Variants in ART1 observed in about 807,000 individuals in gnomAD.
ART1 encodes ADP-ribosyltransferase 1, also known as GPI-linked NAD(P)(+)--arginine ADP-ribosyltransferase 1.
ART1 carries 29 observed loss-of-function variants against 27.0 expected under a neutral mutation model. The observed-to-expected ratio is 1.08, with a 90% CI of 0.80 to 1.47. ART1 has a LOEUF of 1.47. Ranked by LOEUF, ART1 falls within the 40% of genes most tolerant of loss-of-function variation. The pLI is 0.00. For synonymous variants in ART1, 201 were observed against 172.2 expected, an observed-to-expected ratio of 1.17 and a Z score of -1.31; for missense variants, 480 against 423.0, an observed-to-expected ratio of 1.13 and a Z score of -1.18.
At chr11:3,656,574 G>A (rs1373493401) in intron 1 of ART1, among the ~76,000 whole-genome samples, 1 of 151,944 alleles carries the variant, frequency 6.6e-6, no homozygotes, top group African/African-American at 2.4e-5. Flanking sequence ...TGGAGATGGG[G>A]TTTCACCACG....
Position 3,659,235 on chromosome 11 carries a change from T to TC in ART1, c.23dup (p.Leu9SerfsTer39). 8 of 1,614,224 alleles carry TC rather than the reference T, an allele frequency of 5.0e-6. No homozygotes were observed. Among genetic ancestry groups the TC allele is most frequent in the Non-Finnish European group, 6.8e-6 (8 of 1,180,044 alleles). On this transcript the variant is annotated frameshift_variant, in exon 2 of 5. Transcript: ENST00000250693. LOFTEE classifies it high-confidence loss of function. ...CAGCATGCAGATGCCTGCTATGATG[T>TC]CTCTGCTTCTTGTGTCTGTGGGCCT...
chr11:3,658,689 A>C (rs971752461), intron 1 of ART1, among the ~76,000 whole-genome samples: 1 of 152,078 alleles, frequency 6.6e-6, no homozygotes, highest in Non-Finnish European at 1.5e-5. Context: ...CACCAGCTGA[A>C]CACTCCTGGA....
At chr11:3,656,298 C>A (rs1233976137) in intron 1 of ART1, among the ~76,000 whole-genome samples, 1 of 152,180 alleles carries the variant, frequency 6.6e-6, no homozygotes, top group Non-Finnish European at 1.5e-5. Context: ...ATCCTCCTAC[C>A]TTCAGCCTGC....
At chr11:3,652,560 C>T (rs1324305665) in intron 1 of ART1, among the ~76,000 whole-genome samples, 1 of 152,180 alleles carries the variant, frequency 6.6e-6, no homozygotes, top group Admixed American at 6.5e-5. Context: ...CCTCAGAATG[C>T]TACAAGATAC....
chr11:3,647,565 T>C (rs7126279), intron 1 of ART1, among the ~76,000 whole-genome samples: 48,835 of 148,608 alleles, frequency 0.33, 9,558 homozygotes, highest in African/African-American at 0.56. Context: ...ACCCGGGAGG[T>C]AGAGGTTGAA....
At position 3,660,394 on chromosome 11, in the gene ART1, G is replaced by A. The variant is rs371110308; in HGVS notation, c.844+31G>A. The A allele has an allele frequency of 3.8e-6, 6 of 1,573,904 alleles. No homozygotes were observed. The African/African-American group carries it at 8.1e-5, about 21-fold the overall frequency. Reference sequence around the variant, plus strand: ...AGGGCAAGCGCTGGTCGGCACCTGTGCGGAAGGTGGACCTTCCACATCCAC... The same window carrying A: ...AGGGCAAGCGCTGGTCGGCACCTGTACGGAAGGTGGACCTTCCACATCCAC... On this transcript the variant is annotated intron_variant, in intron 3 of 4. Transcript: ENST00000250693.
intron 1 of ART1, among the ~76,000 whole-genome samples, chr11:3,657,070 A>G (rs1393838358): frequency 6.6e-6 from 1 of 152,214 alleles, no homozygotes; most frequent in Non-Finnish European, 1.5e-5. Flanking sequence ...GAGTCACTGA[A>G]CTATCCAAAC....
At chr11:3,661,973 A>G (rs2077624987) in intron 4 of ART1, among the ~76,000 whole-genome samples, 1 of 152,202 alleles carries the variant, frequency 6.6e-6, no homozygotes, top group South Asian at 2.1e-4. Flanking sequence ...CCTTGCAGGA[A>G]AAGGCCACTG....
In ART1 at chr11:3,656,223, C is replaced by G. The variant is rs192689505; in HGVS notation, c.-52-2939C>G. ...TGCTGGGATTACAAGCGTGAGCCACCGCGCCCGGCCCAGGGAAGTGGGTTT... is the reference window on the plus strand; with the variant it reads ...TGCTGGGATTACAAGCGTGAGCCACGGCGCCCGGCCCAGGGAAGTGGGTTT... On this transcript the variant is annotated intron_variant, in intron 1 of 4. Transcript: ENST00000250693. Among the ~76,000 whole-genome samples, 643 of 152,060 alleles carry G rather than the reference C, an allele frequency of 4.2e-3. 5 individuals carry two copies. Among genetic ancestry groups the G allele is most frequent in the African/African-American group, 0.014 (598 of 41,520 alleles).
At chr11:3,655,143 C>G (rs2077561558) in intron 1 of ART1, among the ~76,000 whole-genome samples, 1 of 152,206 alleles carries the variant, frequency 6.6e-6, no homozygotes. Flanking sequence ...CTTCCTTGCT[C>G]TGGGCTGGGC....
At position 3,659,989 on chromosome 11, in the gene ART1, T is replaced by A; in HGVS notation, c.470T>A (p.Leu157Gln). 6.2e-7 allele frequency: 1 copy of A among 1,614,056 alleles called. No individual in the cohort carries two copies. Among genetic ancestry groups the A allele is most frequent in the Non-Finnish European group, 8.5e-7 (1 of 1,179,970 alleles). ...HHFSFKTLHF[L>Q]LTEALQLLGS... ...TTCTCCTTCAAGACACTCCATTTCCTGCTGACTGAGGCCCTGCAGCTCCTG... is the reference window on the plus strand; with the variant it reads ...TTCTCCTTCAAGACACTCCATTTCCAGCTGACTGAGGCCCTGCAGCTCCTG... Residue 157 changes from leucine to glutamine, a missense_variant, in exon 3 of 5, where the codon CTG becomes CAG. Transcript: ENST00000250693.
intron 1 of ART1, among the ~76,000 whole-genome samples, chr11:3,656,453 G>A (rs1246091814): frequency 1.3e-5 from 2 of 151,982 alleles, no homozygotes; most frequent in South Asian, 2.1e-4. Flanking sequence ...CGCAATCTTG[G>A]CTCACTGCAA....
rs747011604 is a variant in ART1 at position 3,659,177 on chromosome 11, C to A, written c.-37C>A. The A allele has an allele frequency of 3.7e-6, 6 of 1,607,404 alleles. No homozygotes were observed. Among genetic ancestry groups the A allele is most frequent in the Non-Finnish European group, 5.1e-6 (6 of 1,174,328 alleles). ...AATTTTCCAGATGAGGAAACTGAGA[C>A]CCAAAAAGAGACAGCAACTGGCCCA... On this transcript the variant is annotated 5_prime_UTR_variant, in exon 2 of 5. Transcript: ENST00000250693.
rs148168771 is a variant in ART1, at chr11:3,658,499, A to T, written c.-52-663A>T. On this transcript the variant is annotated intron_variant, in intron 1 of 4. Transcript: ENST00000250693. The stretch of plus-strand genomic sequence containing the variant: ...GGTTCCTGCTGCTTCTCTTAGGGAA[A>T]CTGGTATCCTCTGTCTTCTCCTGCT... 6.4e-4 allele frequency among the ~76,000 whole-genome samples: 97 copies of T among 152,096 alleles called. No individual in the cohort carries two copies. In the South Asian group the frequency reaches 0.014, roughly 22 times the overall value.
rs1303326895 is a variant in ART1, at chr11:3,649,227, T to C, written c.-53+4048T>C. ...TGTGCTCTCAAGAACTTAAAACCTC[T>C]TCAACTCACACCTGACCTAAAACCT... On this transcript the variant is annotated intron_variant, in intron 1 of 4. Transcript: ENST00000250693. Among the ~76,000 whole-genome samples the C allele has an allele frequency of 5.3e-5, 8 of 152,252 alleles. No homozygotes were observed. The East Asian group carries it at 1.5e-3, about 29-fold the overall frequency.
At chr11:3,658,834 G>A (rs886205665) in intron 1 of ART1, among the ~76,000 whole-genome samples, 1 of 152,152 alleles carries the variant, frequency 6.6e-6, no homozygotes, top group Admixed American at 6.6e-5. Flanking sequence ...TAGATGACAT[G>A]TCTTTCTCTC....
chr11:3,663,091 C>CTCA (rs754049593), intron 4 of ART1, among the ~76,000 whole-genome samples: 1 of 97,454 alleles, frequency 1.0e-5, no homozygotes, highest in South Asian at 4.3e-4. Flanking sequence ...CTCATCTCAT[C>CTCA]ATCTCATCTC....
intron 1 of ART1, among the ~76,000 whole-genome samples, chr11:3,656,386 A>T (rs1028700339): frequency 1.4e-5 from 2 of 141,540 alleles, no homozygotes; most frequent in African/African-American, 2.6e-5. Flanking sequence ...TTATTTATTT[A>T]TTTTTTAAAT....
At chr11:3,663,210 C>G (rs1026289308) in intron 4 of ART1, among the ~76,000 whole-genome samples, 1 of 152,000 alleles carries the variant, frequency 6.6e-6, no homozygotes, top group African/African-American at 2.4e-5. Context: ...AGGCATTACC[C>G]CCCTTATATG....
Sources: gnomAD v4.1 joint callset for allele counts (sites outside exome capture counted in the v4.1 genomes callset) on GRCh38, gnomAD v4.1.1 for gene constraint, MANE v1.5 for transcripts, NCBI Gene and HGNC (gene_info 2026-07-23, HGNC 2026-07-21) for gene names.